The following DLGAP1 variants were observed in gnomAD, a reference collection of about 807,000 sequenced individuals.
The protein encoded by DLGAP1 is disks large-associated protein 1.
In DLGAP1, 11 loss-of-function variants were observed where a neutral mutation model predicts 90.8. The observed-to-expected ratio is 0.12, with a 90% CI of 0.08 to 0.20. The LOEUF (loss-of-function observed/expected upper bound fraction) is 0.20. Among genes scored for constraint, DLGAP1 ranks in the 10% least tolerant of loss-of-function variants. The pLI is 1.00. For missense variants in DLGAP1, 1,050 were observed against 1,333.8 expected, an observed-to-expected ratio of 0.79 and a Z score of 3.31; for synonymous variants, 558 against 540.7, an observed-to-expected ratio of 1.03 and a Z score of -0.44.
At chr18:3,905,674 G>T (rs752431736) in intron 3 of DLGAP1, among the ~76,000 whole-genome samples, 6 of 152,078 alleles carry the variant, frequency 3.9e-5, no homozygotes, top group Non-Finnish European at 8.8e-5. Context: ...AATGCGATAG[G>T]CCCCAGCTAA....
At chr18:3,527,594 G>GT (rs1010805832) in intron 10 of DLGAP1, among the ~76,000 whole-genome samples, 3 of 151,204 alleles carry the variant, frequency 2.0e-5, no homozygotes, top group African/African-American at 4.9e-5. Context: ...TGTGTTTGTT[G>GT]TTTTTTGTTT....
intron 1 of DLGAP1, among the ~76,000 whole-genome samples, chr18:4,176,634 T>C (rs1411756877): frequency 2.0e-5 from 3 of 152,206 alleles, no homozygotes; most frequent in East Asian, 3.9e-4. Flanking sequence ...GCCCTGTTTG[T>C]AGCCTACAGG....
rs752344752 is a variant in DLGAP1 at position 3,956,497 on chromosome 18, C to T, written c.-73+48619G>A. Among the ~76,000 whole-genome samples, 63 of 151,874 alleles carry T rather than the reference C, an allele frequency of 4.1e-4. 1 individual carries two copies. The highest frequency in any genetic ancestry group is 3.1e-3 in the Admixed American group (48 of 15,244). On this transcript the variant is annotated intron_variant, in intron 3 of 12. Transcript: ENST00000315677. ...CCCAGTAGCTGGGACTACAGTCACC[C>T]GCCACCATGCCCAGCTAACTTTTTG...
intron 1 of DLGAP1, among the ~76,000 whole-genome samples, chr18:4,297,165 C>A (rs2080004198): frequency 6.6e-6 from 1 of 151,820 alleles, no homozygotes; most frequent in African/African-American, 2.4e-5. Context: ...GAAGATATGC[C>A]AATTTTATAA....
chr18:3,854,787 G>A (rs1179657123), intron 4 of DLGAP1, among the ~76,000 whole-genome samples: 1 of 152,194 alleles, frequency 6.6e-6, no homozygotes, highest in Non-Finnish European at 1.5e-5. Flanking sequence ...AATTTTACCT[G>A]AGTGTGAGGC....
At chr18:3,783,691 ATAG>A (rs1335676990) in intron 5 of DLGAP1, among the ~76,000 whole-genome samples, 1 of 152,148 alleles carries the variant, frequency 6.6e-6, no homozygotes, top group Non-Finnish European at 1.5e-5. Context: ...TCTAAAATTG[ATAG>A]TGGTGGTGCA....
At chr18:3,910,777 G>A (rs942618324) in intron 3 of DLGAP1, among the ~76,000 whole-genome samples, 3 of 152,034 alleles carry the variant, frequency 2.0e-5, no homozygotes, top group African/African-American at 7.2e-5. Flanking sequence ...ATAAAGGGTT[G>A]GGAAGGGATA....
At chr18:4,023,051 A>G (rs1349920382) in intron 2 of DLGAP1, among the ~76,000 whole-genome samples, 1 of 151,254 alleles carries the variant, frequency 6.6e-6, no homozygotes, top group East Asian at 1.9e-4. Flanking sequence ...CAGGGATTCC[A>G]TTTCTATATA....
chr18:4,336,975 G>A (rs553250732), intron 1 of DLGAP1, among the ~76,000 whole-genome samples: 9 of 150,842 alleles, frequency 6.0e-5, no homozygotes, highest in East Asian at 2.0e-4. Context: ...TTAGCCGGGC[G>A]TGGTGGCTGG....
At chr18:4,260,782 T>G (rs2078987565) in intron 1 of DLGAP1, among the ~76,000 whole-genome samples, 1 of 152,196 alleles carries the variant, frequency 6.6e-6, no homozygotes, top group African/African-American at 2.4e-5. Flanking sequence ...ATCTGCATTC[T>G]AATGATCTCA....
intron 2 of DLGAP1, among the ~76,000 whole-genome samples, chr18:4,146,410 T>C (rs920511140): frequency 6.6e-6 from 1 of 152,232 alleles, no homozygotes; most frequent in Non-Finnish European, 1.5e-5. Context: ...TTTTCAAATA[T>C]GTGCCCTTAG....
chr18:4,377,801 C>G lies in DLGAP1; in HGVS notation c.-267+77205G>C, dbSNP rs78913552. Reference sequence around the variant, plus strand: ...TTGGTGGCAGTGTAAATCAGTAGAGCCTTTTCAGAAGACAACTTGGCTGTA... The same window carrying G: ...TTGGTGGCAGTGTAAATCAGTAGAGGCTTTTCAGAAGACAACTTGGCTGTA... On this transcript the variant is annotated intron_variant, in intron 1 of 12. Transcript: ENST00000315677. Among the ~76,000 whole-genome samples, 1,084 of 152,012 alleles carry G rather than the reference C, an allele frequency of 7.1e-3. 16 individuals are homozygous for G. The highest frequency in any genetic ancestry group is 0.025 in the African/African-American group (1,037 of 41,488).
At chr18:4,326,920 G>A (rs1017041534) in intron 1 of DLGAP1, among the ~76,000 whole-genome samples, 4 of 151,874 alleles carry the variant, frequency 2.6e-5, no homozygotes, top group African/African-American at 7.3e-5. Context: ...TTACCCAGCC[G>A]ACAAAATTAT....
At chr18:4,086,981 T>G (rs2075690373) in intron 2 of DLGAP1, among the ~76,000 whole-genome samples, 1 of 150,506 alleles carries the variant, frequency 6.6e-6, no homozygotes, top group South Asian at 2.1e-4. Flanking sequence ...TTTAATACTC[T>G]TCTGCATCTT....
intron 7 of DLGAP1, among the ~76,000 whole-genome samples, chr18:3,674,627 T>A (rs2060230246): frequency 6.6e-6 from 1 of 151,648 alleles, no homozygotes; most frequent in Admixed American, 6.6e-5. Flanking sequence ...CTGTAATAAA[T>A]AATAATAATA....
intron 3 of DLGAP1, among the ~76,000 whole-genome samples, chr18:3,881,135 T>G (rs1014870052): frequency 6.6e-6 from 1 of 152,048 alleles, no homozygotes. Flanking sequence ...CTTTTTCTTT[T>G]TTTTGTGAGA....
intron 1 of DLGAP1, among the ~76,000 whole-genome samples, chr18:4,344,905 C>T (rs1598950267): frequency 6.6e-6 from 1 of 152,142 alleles, no homozygotes; most frequent in African/African-American, 2.4e-5. Context: ...TAAAACACTG[C>T]AAAAGTTGTT....
chr18:4,432,441 T>A (rs2083303523), intron 1 of DLGAP1, among the ~76,000 whole-genome samples: 2 of 151,812 alleles, frequency 1.3e-5, no homozygotes. Context: ...AAAAAAACTG[T>A]CCAATAGCTC....
rs139999007 is a variant in DLGAP1 at position 3,586,385 on chromosome 18, T to G, written c.1592-4137A>C. ...TAAGGACAGGAACCATCTCCCATGC[T>G]GTTATGCTGAGGGACTTTACTCGTT... On this transcript the variant is annotated intron_variant, in intron 7 of 12. Transcript: ENST00000315677. Among the ~76,000 whole-genome samples, 167 of 152,274 alleles carry G rather than the reference T, an allele frequency of 1.1e-3. 1 individual carries two copies. Among genetic ancestry groups the G allele is most frequent in the African/African-American group, 3.7e-3 (155 of 41,562 alleles).
Sources: gnomAD v4.1 joint callset for allele counts (sites outside exome capture counted in the v4.1 genomes callset) on GRCh38, gnomAD v4.1.1 for gene constraint, MANE v1.5 for transcripts, NCBI Gene and HGNC (gene_info 2026-07-23, HGNC 2026-07-21) for gene names.